Variants in PLCE1 observed in about 807,000 individuals in gnomAD.
PLCE1 encodes the protein 1-phosphatidylinositol 4,5-bisphosphate phosphodiesterase epsilon-1.
PLCE1 carries 119 observed loss-of-function variants against 242.8 expected under a neutral mutation model. The observed-to-expected ratio is 0.49, with a 90% CI of 0.42 to 0.57. The LOEUF is 0.57. Ranked by LOEUF, PLCE1 falls within the 20% of genes least tolerant of loss-of-function variation. The pLI, the probability that PLCE1 is intolerant of heterozygous loss-of-function variation, is 0.00. For missense variants in PLCE1, 2,441 were observed against 2,788.8 expected, an observed-to-expected ratio of 0.88 and a Z score of 2.81; for synonymous variants, 945 against 1,017.4, an observed-to-expected ratio of 0.93 and a Z score of 1.35.
At chr10:94,276,358 T>C (rs2051953346) in intron 19 of PLCE1, among the ~76,000 whole-genome samples, 1 of 152,240 alleles carries the variant, frequency 6.6e-6, no homozygotes, top group African/African-American at 2.4e-5. Flanking sequence ...AGTCTCAGAC[T>C]TGGGTCTTTA....
intron 2 of PLCE1, among the ~76,000 whole-genome samples, chr10:94,078,519 G>C (rs932041233): frequency 6.6e-6 from 1 of 150,636 alleles, no homozygotes; most frequent in Non-Finnish European, 1.5e-5. Context: ...ACAGAGTCTC[G>C]CTCTGTCACC....
intron 4 of PLCE1, among the ~76,000 whole-genome samples, chr10:94,179,536 G>C (rs1384438471): frequency 8.4e-5 from 2 of 23,924 alleles, no homozygotes; most frequent in Non-Finnish European, 1.9e-4. Flanking sequence ...TTTTTGACAG[G>C]GTCTCTGTTG....
chr10:94,214,859 A>T (rs1175546345), intron 4 of PLCE1, among the ~76,000 whole-genome samples: 2 of 152,180 alleles, frequency 1.3e-5, no homozygotes, highest in African/African-American at 4.8e-5. Context: ...GCCCTGGATG[A>T]CAACCTTCAC....
chr10:94,132,002 G>A (rs560570990), intron 2 of PLCE1, among the ~76,000 whole-genome samples, 172 bp from the exon 3 acceptor site: 17 of 152,316 alleles, frequency 1.1e-4, no homozygotes, highest in African/African-American at 3.6e-4. Flanking sequence ...TTTCCAAATA[G>A]ATGGTGTCTG....
intron 4 of PLCE1, among the ~76,000 whole-genome samples, chr10:94,212,754 A>G (rs1210288863): frequency 1.3e-5 from 2 of 152,194 alleles, no homozygotes; most frequent in African/African-American, 4.8e-5. Context: ...CCTGAAACAC[A>G]GTTTGGGAAA....
intron 2 of PLCE1, among the ~76,000 whole-genome samples, chr10:94,124,169 C>G (rs1489925236): frequency 1.3e-5 from 2 of 151,954 alleles, no homozygotes; most frequent in African/African-American, 4.8e-5. Context: ...TGCTTGAGCT[C>G]AGGAGTTTGA....
chr10:94,330,597 G>A lies in PLCE1; in HGVS notation c.*2654G>A, dbSNP rs2054147081. 6.6e-6 allele frequency: 1 copy of A among 151,878 alleles called. No individual in the cohort carries two copies. Among genetic ancestry groups the A allele is most frequent in the African/African-American group, 2.4e-5 (1 of 41,292 alleles). 9.4% of individuals were successfully genotyped at this position (151,878 alleles called of 1,614,324 possible). The stretch of plus-strand genomic sequence containing the variant: ...CCCAGCTATTGGGGAGGCTGAGGCA[G>A]GAGAGAATTGCCTGAACTCAAGACG... On this transcript the variant is annotated 3_prime_UTR_variant, in exon 33 of 33. Transcript: ENST00000371380.
At chr10:94,028,726 A>C (rs2061499374) in intron 1 of PLCE1, among the ~76,000 whole-genome samples, 1 of 152,124 alleles carries the variant, frequency 6.6e-6, no homozygotes, top group African/African-American at 2.4e-5. Flanking sequence ...AGATGGGAGG[A>C]TCGCTTGAGC....
At chr10:94,279,761 A>G (rs1426260011) in intron 19 of PLCE1, 21 bp from the exon 20 acceptor site, 8 of 1,613,022 alleles carry the variant, frequency 5.0e-6, no homozygotes, top group Non-Finnish European at 6.8e-6. Flanking sequence ...TCTGCAGTTT[A>G]CAATTATTGC....
chr10:94,053,982 A>C lies in PLCE1; in HGVS notation c.1206+21730A>C, dbSNP rs529242394. On this transcript the variant is annotated intron_variant, in intron 2 of 32. Coordinates refer to ENST00000371380, the MANE Select transcript of PLCE1 (RefSeq NM_016341.4). ...TAAACTGCCAGAATCCAGGTTGAAG[A>C]AACAGGCAGTAAGAGTGTCAGTAGA... is the stretch of plus-strand genomic sequence containing the variant. Among the ~76,000 whole-genome samples the C allele has an allele frequency of 3.1e-3, 477 of 152,330 alleles. 2 individuals are homozygous for C. The highest frequency in any genetic ancestry group is 0.011 in the African/African-American group (459 of 41,576).
Position 94,328,737 on chromosome 10 carries a change from A to C in PLCE1, c.*794A>C. 6.6e-6 allele frequency: 1 copy of C among 151,678 alleles called. No homozygotes were observed. Among genetic ancestry groups the C allele is most frequent in the East Asian group, 1.9e-4 (1 of 5,168 alleles). The allele number at this position is 151,678 out of a possible 1,614,324, so 9.4% of individuals were successfully genotyped here. On this transcript the variant is annotated 3_prime_UTR_variant, in exon 33 of 33. Transcript: ENST00000371380. ...GTTCCTGTATTGTGTACCACAGTGC[A>C]CTCCTCTTTAGGATTTTTTTACATA...
At chr10:94,143,392 AT>A (rs529022786) in intron 3 of PLCE1, among the ~76,000 whole-genome samples, 7 of 152,286 alleles carry the variant, frequency 4.6e-5, no homozygotes, top group Non-Finnish European at 7.3e-5. Context: ...AAATTAAAGG[AT>A]TTTTTTCAAT....
chr10:94,031,169 A>G lies in PLCE1; in HGVS notation c.123A>G (p.Ala41=). The G allele has an allele frequency of 6.2e-7, 1 of 1,613,892 alleles. No individual in the cohort carries two copies. The change falls in exon 2 of 33, where the codon GCA becomes GCG. Residue 41 remains alanine (A), a synonymous_variant. Coordinates refer to ENST00000371380, the MANE Select transcript of PLCE1 (RefSeq NM_016341.4). ...TCTCAGACATCAATATTTCAAAAGC[A>G]CATACTGTCAGACGAAGTGGGGAGA... ...EKVSDINISK[A]HTVRRSGETS... is the part of the protein sequence containing the mutation.
At chr10:94,315,641 C>T (rs1003339480) in intron 28 of PLCE1, among the ~76,000 whole-genome samples, 1 of 151,870 alleles carries the variant, frequency 6.6e-6, no homozygotes, top group Non-Finnish European at 1.5e-5. Flanking sequence ...TGGTGGTGCA[C>T]ACCTGTAATC....
chr10:94,294,969 G>A (rs2052761039), intron 23 of PLCE1, among the ~76,000 whole-genome samples: 1 of 142,606 alleles, frequency 7.0e-6, no homozygotes, highest in Non-Finnish European at 1.5e-5. Flanking sequence ...AGGCTGGAGT[G>A]CGGTGGCAAG....
intron 4 of PLCE1, among the ~76,000 whole-genome samples, chr10:94,188,796 C>T (rs577166106): frequency 7.2e-5 from 11 of 151,940 alleles, no homozygotes; most frequent in African/African-American, 2.2e-4. Context: ...ATAGAGATGG[C>T]GTTTCACCAT....
chr10:94,164,686 C>T (rs1296178205), intron 3 of PLCE1, among the ~76,000 whole-genome samples: 6 of 152,210 alleles, frequency 3.9e-5, no homozygotes, highest in Non-Finnish European at 7.3e-5. Context: ...TGAGGAGCTG[C>T]ATTCCTTTGG....
intron 2 of PLCE1, among the ~76,000 whole-genome samples, chr10:94,048,842 G>A (rs187906234): frequency 1.3e-5 from 2 of 151,200 alleles, no homozygotes; most frequent in East Asian, 1.9e-4. Flanking sequence ...ATCTTGGCTC[G>A]CTACAGTATC....
At chr10:94,242,215 A>C (rs569440479) in intron 7 of PLCE1, among the ~76,000 whole-genome samples, 24 of 152,298 alleles carry the variant, frequency 1.6e-4, no homozygotes, top group African/African-American at 5.5e-4. Context: ...TTCTTATTTC[A>C]CTTTTTATTA....
Sources: gnomAD v4.1 joint callset for allele counts (sites outside exome capture counted in the v4.1 genomes callset) on GRCh38, gnomAD v4.1.1 for gene constraint, MANE v1.5 for transcripts, NCBI Gene and HGNC (gene_info 2026-07-23, HGNC 2026-07-21) for gene names.